PRR16: variants seen among roughly 807,000 people sequenced by gnomAD.
PRR16 encodes the protein proline rich 16.
PRR16 carries 6 observed loss-of-function variants against 18.2 expected under a neutral mutation model. The observed-to-expected ratio is 0.33, with a 90% CI of 0.18 to 0.65. The LOEUF is 0.65. Ranked by LOEUF, PRR16 falls within the 30% of genes least tolerant of loss-of-function variation. The pLI is 0.74. For synonymous variants in PRR16, 151 were observed against 147.8 expected, an observed-to-expected ratio of 1.02 and a Z score of -0.16; for missense variants, 412 against 376.6, an observed-to-expected ratio of 1.09 and a Z score of -0.78.
chr5:120,546,164 T>G (rs1291815349), intron 1 of PRR16, among the ~76,000 whole-genome samples: 1 of 152,134 alleles, frequency 6.6e-6, no homozygotes, highest in Non-Finnish European at 1.5e-5. Context: ...AGTATCATGT[T>G]GCTCTATATC....
At chr5:120,598,287 T>C (rs1313925801) in intron 1 of PRR16, among the ~76,000 whole-genome samples, 1 of 151,908 alleles carries the variant, frequency 6.6e-6, no homozygotes, top group African/African-American at 2.4e-5. Context: ...TGTAGGCAAT[T>C]TTTGTTAGTT....
intron 1 of PRR16, among the ~76,000 whole-genome samples, chr5:120,583,955 G>A (rs1753355470): frequency 6.6e-6 from 1 of 152,198 alleles, no homozygotes; most frequent in South Asian, 2.1e-4. Context: ...TCTGTTATGG[G>A]TCAAGCACTG....
chr5:120,782,930 T>C, the PRR16 span, among the ~76,000 whole-genome samples: 221 of 152,270 alleles, frequency 1.5e-3, no homozygotes, highest in Non-Finnish European at 2.5e-3. Flanking sequence ...AGATTTAAAT[T>C]GTCATCTCTC....
the PRR16 span, among the ~76,000 whole-genome samples, chr5:120,746,167 G>A: frequency 6.6e-6 from 1 of 151,248 alleles, no homozygotes; most frequent in East Asian, 1.9e-4. Flanking sequence ...TGTTCCTTCG[G>A]ATCATTTCCA....
At chr5:120,636,346 T>C (rs1052765168) in intron 1 of PRR16, among the ~76,000 whole-genome samples, 5 of 152,100 alleles carry the variant, frequency 3.3e-5, no homozygotes, top group African/African-American at 4.8e-5. Flanking sequence ...AGAAAACATC[T>C]GGAGGCATCA....
chr5:120,486,361 A>G (rs1263176363), intron 1 of PRR16, among the ~76,000 whole-genome samples: 1 of 150,246 alleles, frequency 6.7e-6, no homozygotes, highest in African/African-American at 2.5e-5. Flanking sequence ...GTCAGATGGT[A>G]TCTCACTGTG....
intron 1 of PRR16, among the ~76,000 whole-genome samples, chr5:120,502,966 T>C (rs1246985344): frequency 6.6e-6 from 1 of 152,212 alleles, no homozygotes; most frequent in Non-Finnish European, 1.5e-5. Context: ...CTAGGACCTA[T>C]TCTTTCACCT....
chr5:120,758,480 T>G, the PRR16 span, among the ~76,000 whole-genome samples: 2 of 152,176 alleles, frequency 1.3e-5, no homozygotes, highest in South Asian at 4.1e-4. Context: ...TAATATGGTT[T>G]CGCTTTGTGT....
chr5:120,527,180 A>G (rs1751399818), intron 1 of PRR16, among the ~76,000 whole-genome samples: 1 of 152,206 alleles, frequency 6.6e-6, no homozygotes, highest in Non-Finnish European at 1.5e-5. Flanking sequence ...GAGAGGCAAA[A>G]TCACCAATAT....
At chr5:120,735,384 G>C in the PRR16 span, among the ~76,000 whole-genome samples, 1 of 152,078 alleles carries the variant, frequency 6.6e-6, no homozygotes, top group Non-Finnish European at 1.5e-5. Context: ...ATTCAAAAGT[G>C]GGGATATATA....
intron 1 of PRR16, among the ~76,000 whole-genome samples, chr5:120,615,315 A>G (rs1300435860): frequency 6.6e-6 from 1 of 151,784 alleles, no homozygotes; most frequent in East Asian, 1.9e-4. Flanking sequence ...ACACAGTTCA[A>G]GAGGAAAATC....
the PRR16 span, among the ~76,000 whole-genome samples, chr5:120,785,241 AG>A: frequency 6.6e-6 from 1 of 152,172 alleles, no homozygotes; most frequent in African/African-American, 2.4e-5. Context: ...AACTCTGCAA[AG>A]TGACAAGTAT....
intron 1 of PRR16, among the ~76,000 whole-genome samples, chr5:120,589,425 A>G (rs1753557907): frequency 6.6e-6 from 1 of 152,122 alleles, no homozygotes; most frequent in South Asian, 2.1e-4. Context: ...AGGTATAGGG[A>G]TGTCCAACTT....
intron 1 of PRR16, among the ~76,000 whole-genome samples, chr5:120,474,489 T>C (rs1228282701): frequency 6.6e-6 from 1 of 152,176 alleles, no homozygotes; most frequent in East Asian, 1.9e-4. Context: ...TCTTATTCCA[T>C]ATTACTTAAT....
chr5:120,746,358 T>C, the PRR16 span, among the ~76,000 whole-genome samples: 2 of 152,144 alleles, frequency 1.3e-5, no homozygotes, highest in Admixed American at 6.6e-5. Context: ...TCTGAAGTTA[T>C]AATTGATTTT....
chr5:120,695,531 C>A, the PRR16 span, among the ~76,000 whole-genome samples: 1 of 152,160 alleles, frequency 6.6e-6, no homozygotes, highest in Non-Finnish European at 1.5e-5. Flanking sequence ...GCATTTCCCA[C>A]CTGCCTGCTC....
intron 1 of PRR16, among the ~76,000 whole-genome samples, chr5:120,660,530 A>G (rs1437640810): frequency 6.6e-6 from 1 of 152,136 alleles, no homozygotes; most frequent in Non-Finnish European, 1.5e-5. Flanking sequence ...ACAACAGAAA[A>G]TAATATAATA....
chr5:120,520,616 G>A (rs1260991441), intron 1 of PRR16, among the ~76,000 whole-genome samples: 1 of 152,124 alleles, frequency 6.6e-6, no homozygotes, highest in African/African-American at 2.4e-5. Flanking sequence ...ACTACTTGTA[G>A]CGCATGAAGA....
intron 1 of PRR16, among the ~76,000 whole-genome samples, chr5:120,633,258 G>T (rs1755117606): frequency 6.6e-6 from 1 of 152,002 alleles, no homozygotes; most frequent in Admixed American, 6.6e-5. Flanking sequence ...CACCAAAATA[G>T]AATCTCCTTA....
Sources: allele counts gnomAD v4.1 joint callset (sites outside exome capture counted in the v4.1 genomes callset), GRCh38; gene constraint gnomAD v4.1.1; transcripts MANE v1.5; gene names NCBI Gene and HGNC (gene_info 2026-07-23, HGNC 2026-07-21).